The following CDK13 variants were observed in gnomAD, a reference collection of about 807,000 sequenced individuals.
The protein encoded by CDK13 is cyclin-dependent kinase 13.
In CDK13, 40 loss-of-function variants were observed where a neutral mutation model predicts 137.6. That is an observed-to-expected ratio of 0.29 (90% confidence interval 0.23 to 0.38). The LOEUF (loss-of-function observed/expected upper bound fraction) is 0.38, where lower values mean the gene tolerates loss of function less well. Ranked by LOEUF, CDK13 falls within the 10% of genes least tolerant of loss-of-function variation. The pLI, the probability that CDK13 is intolerant of heterozygous loss-of-function variation, is 1.00. For missense variants in CDK13, 1,704 were observed against 1,951.8 expected, an observed-to-expected ratio of 0.87 and a Z score of 2.39; for synonymous variants, 869 against 760.1, an observed-to-expected ratio of 1.14 and a Z score of -2.36.
In CDK13 at chr7:40,088,106, A is replaced by C. The variant is rs767745536; in HGVS notation, c.3030-20A>C. ...TGTTAAGAAATGCCATTTACAATTT[A>C]ATTCCTTTTTTTTTTTCAGTCTCCC... On this transcript the variant is annotated intron_variant, in intron 11 of 13. Coordinates refer to ENST00000181839, the MANE Select transcript of CDK13 (RefSeq NM_003718.5). 6.3e-7 allele frequency: 1 copy of C among 1,594,978 alleles called. No individual in the cohort carries two copies. The highest frequency in any genetic ancestry group is 1.7e-5 in the Admixed American group (1 of 58,592).
At chr7:40,062,067 A>T (rs1004368315) in intron 7 of CDK13, 1 of 152,184 alleles carries the variant, frequency 6.6e-6, no homozygotes, top group African/African-American at 2.4e-5. Context: ...TCAGTGAAAA[A>T]TTGCCAAAAA....
At chr7:40,068,255 T>C (rs1477686134) in intron 9 of CDK13, among the ~76,000 whole-genome samples, 1 of 151,238 alleles carries the variant, frequency 6.6e-6, no homozygotes, top group Non-Finnish European at 1.5e-5. Context: ...AAGTGACATT[T>C]GAGCAGAGAT....
At position 39,951,539 on chromosome 7, in the gene CDK13, T is replaced by G; in HGVS notation, c.898T>G (p.Tyr300Asp). 1 of 1,536,816 alleles carries G rather than the reference T, an allele frequency of 6.5e-7. No homozygotes were observed. The highest frequency in any genetic ancestry group is 8.7e-7 in the Non-Finnish European group (1 of 1,144,180). Residue 300 changes from tyrosine to aspartate, a missense_variant, in exon 1 of 14, where the codon TAC (tyrosine) becomes GAC (aspartate). By Grantham distance (160) the Tyr-to-Asp change is radical. This residue lies in a region of CDK13 where 1,051 missense variants were observed against 931.0 expected (regional missense o/e 1.13). Transcript: ENST00000181839. ...PSAYKEPPKAYREDKTEPKAY... is the reference protein window; with the variant it reads ...PSAYKEPPKADREDKTEPKAY... ...GGCCTACAAGGAACCGCCCAAGGCC[T>G]ACCGGGAGGACAAGACCGAGCCTAA...
intron 7 of CDK13, 175 bp from the exon 8 acceptor site, chr7:40,062,651 A>G (rs868091284): frequency 9.8e-6 from 6 of 614,638 alleles, no homozygotes; most frequent in Middle Eastern, 4.2e-4. Context: ...TTGCCCTCAC[A>G]TACATTTTAT....
rs189335429 is a variant in CDK13 at position 40,075,970 on chromosome 7, A to G, written c.2781-2035A>G. Reference sequence around the variant, plus strand: ...CAAATGTCTATACTTTGCTACTTCCATGCCTTTGCCTGTGTTCTCTCTTCT... The same window carrying G: ...CAAATGTCTATACTTTGCTACTTCCGTGCCTTTGCCTGTGTTCTCTCTTCT... On this transcript the variant is annotated intron_variant, in intron 9 of 13. Coordinates refer to ENST00000181839, the MANE Select transcript of CDK13 (RefSeq NM_003718.5). Among the ~76,000 whole-genome samples the G allele has an allele frequency of 5.9e-5, 9 of 152,232 alleles. No homozygotes were observed. The East Asian group carries it at 1.7e-3, about 29-fold the overall frequency.
At chr7:40,037,173 A>G (rs1044573341) in intron 5 of CDK13, among the ~76,000 whole-genome samples, 1 of 152,204 alleles carries the variant, frequency 6.6e-6, no homozygotes, top group Non-Finnish European at 1.5e-5. Context: ...TACAAATTCA[A>G]TTCTTTGGCA....
At chr7:40,033,422 G>T (rs969027262) in intron 5 of CDK13, among the ~76,000 whole-genome samples, 1 of 152,132 alleles carries the variant, frequency 6.6e-6, no homozygotes, top group African/African-American at 2.4e-5. Flanking sequence ...TCTGATGCTT[G>T]TTTCTTCAAA....
At chr7:40,091,412 T>A (rs1280838742) in intron 12 of CDK13, among the ~76,000 whole-genome samples, 1 of 151,904 alleles carries the variant, frequency 6.6e-6, no homozygotes, top group Non-Finnish European at 1.5e-5. Flanking sequence ...TCCCAGCTCC[T>A]AGTGGGGGCT....
At position 40,027,438 on chromosome 7, in the gene CDK13, TC is replaced by T. The variant is rs1333708024; in HGVS notation, c.2354-18396del. Among the ~76,000 whole-genome samples the T allele has an allele frequency of 2.0e-5, 3 of 152,300 alleles. No individual in the cohort carries two copies. The South Asian group carries it at 6.2e-4, about 32-fold the overall frequency. ...ATTTTTTGGTACTAAATCTTCACAATCCACTTTGTATTGTACACTCACAGCA... is the reference window on the plus strand; with the variant it reads ...ATTTTTTGGTACTAAATCTTCACAATCACTTTGTATTGTACACTCACAGCA... On this transcript the variant is annotated intron_variant, in intron 5 of 13. Coordinates refer to ENST00000181839, the MANE Select transcript of CDK13 (RefSeq NM_003718.5).
Position 40,029,010 on chromosome 7 carries a change from T to TG in CDK13, c.2354-16825dup, listed in dbSNP as rs552982950. On this transcript the variant is annotated intron_variant, in intron 5 of 13. Transcript: ENST00000181839. Reference sequence around the variant, plus strand: ...GGTTGACCCTTGAACATCATGGGTTTGAGCTGCATGGGTTCACTTATATGC... The same window carrying TG: ...GGTTGACCCTTGAACATCATGGGTTTGGAGCTGCATGGGTTCACTTATATGC... Among the ~76,000 whole-genome samples the TG allele has an allele frequency of 5.7e-3, 863 of 152,190 alleles. 5 individuals carry two copies. The highest frequency in any genetic ancestry group is 9.4e-3 in the Non-Finnish European group (642 of 68,002).
In CDK13 at chr7:40,046,973, C is replaced by T. The variant is rs971092392; in HGVS notation, c.2544-848C>T. 3.5e-5 allele frequency among the ~76,000 whole-genome samples: 5 copies of T among 141,948 alleles called. No homozygotes were observed. The Admixed American group carries it at 3.7e-4, about 10-fold the overall frequency. 93.1% of individuals were successfully genotyped at this position (141,948 alleles called of 152,430 possible). A position where few individuals can be genotyped will look rare whatever the true frequency, so the allele number is the denominator to read the frequency against. ...TCAGTGAGCTGAGATAGTGCCACTGCACTCCAGCCTGGGTGACAAAGCAAG... is the reference window on the plus strand; with the variant it reads ...TCAGTGAGCTGAGATAGTGCCACTGTACTCCAGCCTGGGTGACAAAGCAAG... On this transcript the variant is annotated intron_variant, in intron 6 of 13. Transcript: ENST00000181839.
Position 40,077,990 on chromosome 7 carries a change from T to C in CDK13, c.2781-15T>C. 3.9e-6 allele frequency: 5 copies of C among 1,275,040 alleles called. No homozygotes were observed. Among genetic ancestry groups the C allele is most frequent in the Non-Finnish European group, 5.4e-6 (5 of 922,106 alleles). The allele number at this position is 1,275,040 out of a possible 1,614,324, so 79.0% of individuals were successfully genotyped here. Reference sequence around the variant, plus strand: ...GTAGTTGATAGTGATGTACTTCCTTTTGTGTGTTGCTTAGCCGAATATGTG... The same window carrying C: ...GTAGTTGATAGTGATGTACTTCCTTCTGTGTGTTGCTTAGCCGAATATGTG... On this transcript the variant is annotated splice_polypyrimidine_tract_variant and intron_variant, in intron 9 of 13. Transcript: ENST00000181839.
At chr7:39,979,717 C>T (rs1280663031) in intron 1 of CDK13, among the ~76,000 whole-genome samples, 2 of 152,038 alleles carry the variant, frequency 1.3e-5, no homozygotes, top group Non-Finnish European at 2.9e-5. Context: ...AGAGGAACTT[C>T]GTAGATATGA....
At chr7:40,041,767 A>G (rs1214980049) in intron 5 of CDK13, among the ~76,000 whole-genome samples, 2 of 145,444 alleles carry the variant, frequency 1.4e-5, no homozygotes, top group Admixed American at 6.6e-5. Flanking sequence ...CAATAATTAC[A>G]TCTCTACAAC....
At chr7:40,074,770 A>G (rs1032334579) in intron 9 of CDK13, among the ~76,000 whole-genome samples, 14 of 151,242 alleles carry the variant, frequency 9.3e-5, no homozygotes, top group African/African-American at 3.2e-4. Flanking sequence ...TCAGGGAGCT[A>G]TGATTGCATC....
chr7:39,997,470 T>A, intron 2 of CDK13, 24 bp from the exon 3 acceptor site: 1 of 1,580,872 alleles, frequency 6.3e-7, no homozygotes, highest in Non-Finnish European at 8.5e-7. Flanking sequence ...TTTGTTTTAT[T>A]TGTCTGACTT....
At chr7:40,050,947 T>C (rs1033042971) in intron 7 of CDK13, among the ~76,000 whole-genome samples, 6 of 152,228 alleles carry the variant, frequency 3.9e-5, no homozygotes, top group African/African-American at 1.2e-4. Flanking sequence ...GAAAAGCTGA[T>C]TATAAAGCCA....
chr7:39,960,827 G>A (rs1787595242), intron 1 of CDK13, among the ~76,000 whole-genome samples: 1 of 151,804 alleles, frequency 6.6e-6, no homozygotes, highest in Admixed American at 6.6e-5. Flanking sequence ...TGCCCACCTT[G>A]GCCTGTCAAA....
chr7:39,995,987 G>C (rs533687466), intron 2 of CDK13, among the ~76,000 whole-genome samples: 6 of 152,310 alleles, frequency 3.9e-5, no homozygotes, highest in African/African-American at 1.4e-4. Context: ...TCCAGCCTGG[G>C]TGACAAAGCA....
Sources: gnomAD v4.1 joint callset for allele counts (sites outside exome capture counted in the v4.1 genomes callset) on GRCh38, gnomAD v4.1.1 for gene constraint, gnomAD v4.1.1 regional missense constraint, MANE v1.5 for transcripts, NCBI Gene and HGNC (gene_info 2026-07-23, HGNC 2026-07-21) for gene names.